BCAS3: variants seen among roughly 807,000 people sequenced by gnomAD.
BCAS3 encodes the protein BCAS3 microtubule associated cell migration factor, also known as BCAS4/BCAS3 fusion.
BCAS3 carries 53 observed loss-of-function variants against 116.1 expected under a neutral mutation model. The observed-to-expected ratio is 0.46, with a 90% confidence interval of 0.37 to 0.57. The LOEUF (loss-of-function observed/expected upper bound fraction) is 0.57, where lower values mean the gene tolerates loss of function less well. BCAS3 is among the 20% of genes least tolerant of loss of function. The pLI, the probability that BCAS3 is intolerant of heterozygous loss-of-function variation, is 0.00. For synonymous variants in BCAS3, 391 were observed against 408.2 expected (o/e 0.96, Z 0.51); for missense variants, 917 against 1,165.4 (o/e 0.79, Z 3.10).
chr17:60,872,049 T>C (rs2055153396), intron 8 of BCAS3, among the ~76,000 whole-genome samples: 1 of 152,056 alleles, frequency 6.6e-6, no homozygotes, highest in Non-Finnish European at 1.5e-5. Context: ...TTAATGTTTA[T>C]CTGATAATAA....
intron 6 of BCAS3, among the ~76,000 whole-genome samples, chr17:60,780,688 C>A (rs574884877): frequency 3.3e-5 from 5 of 152,106 alleles, no homozygotes; most frequent in Admixed American, 1.3e-4. Flanking sequence ...CCTCTTGATA[C>A]GAATTTTTGA....
chr17:60,732,728 A>G (rs1048177969), intron 5 of BCAS3, among the ~76,000 whole-genome samples: 1 of 152,252 alleles, frequency 6.6e-6, no homozygotes, highest in South Asian at 2.1e-4. Context: ...AGTCCCAGCT[A>G]CTCAGGAGGC....
At position 61,365,173 on chromosome 17, in the gene BCAS3, ATTTC is replaced by A; in HGVS notation, c.2426-3153_2426-3150del. Among the ~76,000 whole-genome samples the A allele has an allele frequency of 1.3e-5, 2 of 152,166 alleles. No homozygotes were observed. The highest frequency in any genetic ancestry group is 6.6e-5 in the Admixed American group (1 of 15,264). ...TTAGTCTTTCTTGAAGTCCAGGCCT[ATTTC>A]CATCCACCACTATGACACTAGCTCA... On this transcript the variant is annotated intron_variant, in intron 22 of 23. Coordinates refer to ENST00000407086, the MANE Select transcript of BCAS3 (RefSeq NM_017679.5). The surrounding 1 kb of genome is among the most constrained non-coding windows in gnomAD (Gnocchi z 4.6).
chr17:60,784,315 T>C (rs1329204908), intron 6 of BCAS3, among the ~76,000 whole-genome samples: 2 of 148,046 alleles, frequency 1.4e-5, no homozygotes, highest in African/African-American at 5.0e-5. Flanking sequence ...TTTTTTTTTT[T>C]TTTTTGAGAC....
At chr17:60,850,867 T>C (rs1042197129) in intron 7 of BCAS3, among the ~76,000 whole-genome samples, 3 of 152,164 alleles carry the variant, frequency 2.0e-5, no homozygotes, top group African/African-American at 7.2e-5. Flanking sequence ...TAAAAAAATA[T>C]AAATGTCATC....
intron 9 of BCAS3, among the ~76,000 whole-genome samples, chr17:60,889,319 CCAT>C (rs1396615793): frequency 6.6e-6 from 1 of 152,070 alleles, no homozygotes; most frequent in Non-Finnish European, 1.5e-5. Context: ...ATTCCTGAAC[CCAT>C]CATATCATTT....
At position 61,235,076 on chromosome 17, in the gene BCAS3, AG is replaced by A. The variant is rs1219540224; in HGVS notation, c.2426-133248del. ...CTAAGTTTTGTATTTTAGTAGAGAC[AG>A]GGTTTCACCACATTGGCCGGGCTGG... On this transcript the variant is annotated intron_variant, in intron 22 of 23. Coordinates refer to ENST00000407086, the MANE Select transcript of BCAS3 (RefSeq NM_017679.5). This position sits in a 1 kb window ranked among gnomAD's most constrained non-coding sequence, Gnocchi z 5.0. 6.6e-6 allele frequency among the ~76,000 whole-genome samples: 1 copy of A among 152,106 alleles called. No homozygotes were observed. Among genetic ancestry groups the A allele is most frequent in the Non-Finnish European group, 1.5e-5 (1 of 68,016 alleles).
chr17:61,165,332 A>G (rs1247681260), intron 22 of BCAS3, among the ~76,000 whole-genome samples: 1 of 152,240 alleles, frequency 6.6e-6, no homozygotes, highest in African/African-American at 2.4e-5. Context: ...TCCTGGCCAC[A>G]TATATTTTCA....
chr17:60,914,997 A>G (rs556440640), intron 12 of BCAS3, among the ~76,000 whole-genome samples: 1 of 152,328 alleles, frequency 6.6e-6, no homozygotes, highest in Admixed American at 6.5e-5. Context: ...TGTAAATGAT[A>G]TAAAATATAC....
At chr17:61,039,828 C>T (rs921991549) in intron 18 of BCAS3, among the ~76,000 whole-genome samples, 3 of 152,108 alleles carry the variant, frequency 2.0e-5, no homozygotes, top group Non-Finnish European at 4.4e-5. Context: ...ATTTATGCTT[C>T]CTCTATTTGC....
At chr17:60,807,910 T>A in intron 6 of BCAS3, 94 bp from the exon 7 acceptor site, 1 of 855,968 alleles carries the variant, frequency 1.2e-6, no homozygotes, top group Non-Finnish European at 1.9e-6. Context: ...TAATGAATAC[T>A]TCTCCTTTTC....
chr17:60,761,051 T>C (rs1598516080), intron 6 of BCAS3, among the ~76,000 whole-genome samples: 1 of 152,112 alleles, frequency 6.6e-6, no homozygotes, highest in Non-Finnish European at 1.5e-5. Context: ...TGTTCTAGAA[T>C]TTCTGTTTTG....
intron 4 of BCAS3, among the ~76,000 whole-genome samples, chr17:60,707,340 C>G (rs994538837): frequency 1.3e-5 from 2 of 152,128 alleles, no homozygotes; most frequent in African/African-American, 4.8e-5. Context: ...GTTGCCCAGG[C>G]TGGTCTCAGA....
At chr17:60,777,420 T>A (rs1568229075) in intron 6 of BCAS3, among the ~76,000 whole-genome samples, 1 of 151,462 alleles carries the variant, frequency 6.6e-6, no homozygotes, top group East Asian at 1.9e-4. Context: ...AGGCCAAGAG[T>A]TGGAGACCAG....
rs1273841624 is a variant in BCAS3 at position 61,391,724 on chromosome 17, A to C, written c.2594-253A>C. On this transcript the variant is annotated intron_variant, in intron 23 of 23. Transcript: ENST00000407086. This position sits in a 1 kb window ranked among gnomAD's most constrained non-coding sequence, Gnocchi z 7.7. ...TCAGGGTGGCCGTGCTTCGGGCCTA[A>C]AGGGCTTCCCGCAGCAGGGAGACGG... The C allele has an allele frequency of 1.9e-6, 1 of 514,466 alleles. No homozygotes were observed. Among genetic ancestry groups the C allele is most frequent in the Middle Eastern group, 5.2e-4 (1 of 1,914 alleles). The allele number at this position is 514,466 out of a possible 1,614,324, so 31.9% of individuals were successfully genotyped here. A position where few individuals can be genotyped will look rare whatever the true frequency, so the allele number is the denominator to read the frequency against.
rs2144669192 is a variant in BCAS3, at chr17:61,281,860, A to G, written c.2426-86467A>G. On this transcript the variant is annotated intron_variant, in intron 22 of 23. Transcript: ENST00000407086. This position sits in a 1 kb window ranked among gnomAD's most constrained non-coding sequence, Gnocchi z 4.2. ...CTTTCTCATTTCTCTGTTTTTAAAA[A>G]AAATTCTTCGTTTTATGGTAAATTT... Among the ~76,000 whole-genome samples the G allele has an allele frequency of 6.6e-6, 1 of 152,280 alleles. No individual in the cohort carries two copies. The highest frequency in any genetic ancestry group is 2.1e-4 in the South Asian group (1 of 4,830).
intron 22 of BCAS3, among the ~76,000 whole-genome samples, chr17:61,305,358 G>A (rs1259477264): frequency 6.6e-6 from 1 of 152,096 alleles, no homozygotes; most frequent in Non-Finnish European, 1.5e-5. Flanking sequence ...GCCCAAAGCA[G>A]TAGTGAGCCC....
In BCAS3 at chr17:60,975,008, T is replaced by G. The variant is rs191733216; in HGVS notation, c.1222-14963T>G. 7.5e-3 allele frequency among the ~76,000 whole-genome samples: 1,120 copies of G among 150,308 alleles called. 25 individuals are homozygous for G. The highest frequency in any genetic ancestry group is 0.025 in the African/African-American group (1,019 of 40,148). ...TTTTTTTTGCTTTTTTGTTTTTTTT[T>G]TTTTGAGACGGAGTCTCGCTCTGTC... On this transcript the variant is annotated intron_variant, in intron 14 of 23. Transcript: ENST00000407086.
rs2078187191 is a variant in BCAS3 at position 61,161,863 on chromosome 17, A to G, written c.2425+77299A>G. 6.6e-6 allele frequency among the ~76,000 whole-genome samples: 1 copy of G among 152,156 alleles called. No homozygotes were observed. Among genetic ancestry groups the G allele is most frequent in the African/African-American group, 2.4e-5 (1 of 41,432 alleles). Reference sequence around the variant, plus strand: ...AGTACTGCCTTCTCTGGCCTTTATAAACATGATTGCTGGACAAAGATGAGC... The same window carrying G: ...AGTACTGCCTTCTCTGGCCTTTATAGACATGATTGCTGGACAAAGATGAGC... On this transcript the variant is annotated intron_variant, in intron 22 of 23. Coordinates refer to ENST00000407086, the MANE Select transcript of BCAS3 (RefSeq NM_017679.5). The surrounding 1 kb of genome is among the most constrained non-coding windows in gnomAD (Gnocchi z 4.8).
Sources: allele counts gnomAD v4.1 joint callset (sites outside exome capture counted in the v4.1 genomes callset), GRCh38; gene constraint gnomAD v4.1.1; non-coding constraint Gnocchi (gnomAD v3.1); transcripts MANE v1.5; gene names NCBI Gene and HGNC (gene_info 2026-07-23, HGNC 2026-07-21).